GFRA1: variants seen among roughly 807,000 people sequenced by gnomAD.
GFRA1 encodes GDNF family receptor alpha 1.
A neutral mutation model predicts 51.6 loss-of-function variants in GFRA1; 16 were observed. That is an observed-to-expected ratio of 0.31 (90% confidence interval 0.21 to 0.47). The LOEUF (loss-of-function observed/expected upper bound fraction) is 0.47. Ranked by LOEUF, GFRA1 falls within the 20% of genes least tolerant of loss-of-function variation. The probability of loss-of-function intolerance (pLI) is 1.00; values close to 1 mark genes in which losing one functional copy is unlikely to be tolerated. For missense variants in GFRA1, 530 were observed against 594.3 expected, an observed-to-expected ratio of 0.89 and a Z score of 1.13; for synonymous variants, 270 against 241.3, an observed-to-expected ratio of 1.12 and a Z score of -1.10.
At chr10:116,171,935 C>T (rs922067746) in intron 5 of GFRA1, among the ~76,000 whole-genome samples, 2 of 152,268 alleles carry the variant, frequency 1.3e-5, no homozygotes, top group Admixed American at 6.5e-5. Context: ...TGTTTAGCCC[C>T]GATACAATCA....
At chr10:116,202,532 G>A (rs534795128) in intron 5 of GFRA1, among the ~76,000 whole-genome samples, 263 of 152,146 alleles carry the variant, frequency 1.7e-3, no homozygotes, top group Middle Eastern at 0.01. Flanking sequence ...ACCGAGACTG[G>A]GTAATTCATA....
intron 5 of GFRA1, among the ~76,000 whole-genome samples, chr10:116,132,228 C>T (rs543762475): frequency 1.3e-5 from 2 of 152,146 alleles, no homozygotes; most frequent in South Asian, 4.2e-4. Context: ...AACAAACAAA[C>T]AACAACAAAA....
At chr10:116,087,253 C>T (rs1956138320) in intron 9 of GFRA1, among the ~76,000 whole-genome samples, 1 of 121,942 alleles carries the variant, frequency 8.2e-6, no homozygotes, top group Admixed American at 9.1e-5. Context: ...ACGGGGAGCC[C>T]AAGTCAGGAT....
At chr10:116,232,040 T>A (rs1003526000) in intron 4 of GFRA1, among the ~76,000 whole-genome samples, 1 of 152,174 alleles carries the variant, frequency 6.6e-6, no homozygotes, top group Non-Finnish European at 1.5e-5. Flanking sequence ...AAACTGATCA[T>A]CTTCTTCTTC....
At chr10:116,130,736 CA>C (rs1185958168) in intron 5 of GFRA1, among the ~76,000 whole-genome samples, 1 of 151,932 alleles carries the variant, frequency 6.6e-6, no homozygotes, top group Non-Finnish European at 1.5e-5. Flanking sequence ...TACAAACAAA[CA>C]AAAAACCTCA....
chr10:116,123,769 C>T (rs2134015638), intron 6 of GFRA1, among the ~76,000 whole-genome samples: 1 of 152,298 alleles, frequency 6.6e-6, no homozygotes, highest in Non-Finnish European at 1.5e-5. Flanking sequence ...CAATTGAATT[C>T]AACACTAAGT....
intron 5 of GFRA1, among the ~76,000 whole-genome samples, chr10:116,153,013 A>ACCATCCATCCATCCATGCATCCATCTAT (rs1270835395): frequency 5.9e-5 from 9 of 152,196 alleles, no homozygotes; most frequent in African/African-American, 2.2e-4. Context: ...AGAGCAACGA[A>ACCATCCATCCATCCATGCATCCATCTAT]CCATCCATCC....
At chr10:116,079,000 G>GCA (rs1009543107) in intron 9 of GFRA1, among the ~76,000 whole-genome samples, 1 of 152,060 alleles carries the variant, frequency 6.6e-6, no homozygotes, top group Non-Finnish European at 1.5e-5. Context: ...CCATGGTTTG[G>GCA]CACAACACTT....
At chr10:116,157,292 A>ACTT (rs1464943336) in intron 5 of GFRA1, among the ~76,000 whole-genome samples, 1 of 152,190 alleles carries the variant, frequency 6.6e-6, no homozygotes, top group Non-Finnish European at 1.5e-5. Context: ...AATTTTAATG[A>ACTT]CTTCTTTTAA....
intron 5 of GFRA1, among the ~76,000 whole-genome samples, chr10:116,150,767 C>T: frequency 6.6e-6 from 1 of 152,054 alleles, no homozygotes; most frequent in East Asian, 1.9e-4. Flanking sequence ...GAAAATGTAG[C>T]ATCCCTACAC....
intron 5 of GFRA1, among the ~76,000 whole-genome samples, chr10:116,135,583 C>T (rs1024940272): frequency 3.3e-5 from 5 of 152,260 alleles, no homozygotes; most frequent in East Asian, 1.9e-4. Context: ...AGACTTCTAT[C>T]GCCATCTTTT....
chr10:116,098,474 A>G (rs1159197332), intron 6 of GFRA1, among the ~76,000 whole-genome samples: 1 of 152,182 alleles, frequency 6.6e-6, no homozygotes, highest in African/African-American at 2.4e-5. Flanking sequence ...TCCAGCTTGG[A>G]TTGAGTGTTA....
chr10:116,067,558 G>C (rs1955172764), intron 9 of GFRA1, among the ~76,000 whole-genome samples: 2 of 152,186 alleles, frequency 1.3e-5, no homozygotes. Context: ...TGTTCAGTAT[G>C]ATTAGCACTA....
chr10:116,159,677 A>G (rs1260654696), intron 5 of GFRA1, among the ~76,000 whole-genome samples: 1 of 152,168 alleles, frequency 6.6e-6, no homozygotes, highest in Non-Finnish European at 1.5e-5. Context: ...TGCTTTTGTT[A>G]GGTTCACAGC....
chr10:116,259,209 G>A (rs555280461), intron 4 of GFRA1, among the ~76,000 whole-genome samples: 1 of 152,148 alleles, frequency 6.6e-6, no homozygotes, highest in African/African-American at 2.4e-5. Context: ...AATCACAGTT[G>A]GCATGGTGCT....
At chr10:116,115,777 C>T (rs983899481) in intron 6 of GFRA1, among the ~76,000 whole-genome samples, 2 of 152,100 alleles carry the variant, frequency 1.3e-5, no homozygotes, top group African/African-American at 4.8e-5. Context: ...TGAAATTTAT[C>T]CAGTTGGGTT....
intron 5 of GFRA1, among the ~76,000 whole-genome samples, chr10:116,152,291 GCT>G (rs1565613273): frequency 6.6e-6 from 1 of 152,168 alleles, no homozygotes; most frequent in Non-Finnish European, 1.5e-5. Context: ...AGTACCCCAC[GCT>G]GTGGAATCAC....
intron 4 of GFRA1, among the ~76,000 whole-genome samples, chr10:116,214,740 T>C (rs761386784): frequency 6.6e-6 from 1 of 152,344 alleles, no homozygotes; most frequent in Admixed American, 6.5e-5. Context: ...CTCAACCTCC[T>C]CTGCGTGGTT....
At chr10:116,206,766 G>A (rs1380635838) in intron 5 of GFRA1, among the ~76,000 whole-genome samples, 1 of 151,360 alleles carries the variant, frequency 6.6e-6, no homozygotes, top group Non-Finnish European at 1.5e-5. Flanking sequence ...CCGAGTAGCT[G>A]GGACTACAGG....
Sources: gnomAD v4.1 joint callset for allele counts (sites outside exome capture counted in the v4.1 genomes callset) on GRCh38, gnomAD v4.1.1 for gene constraint, MANE v1.5 for transcripts, NCBI Gene and HGNC (gene_info 2026-07-23, HGNC 2026-07-21) for gene names.